Variants in SLC6A18 observed in about 807,000 individuals in gnomAD.
The protein encoded by SLC6A18 is solute carrier family 6 member 18.
In SLC6A18, 58 loss-of-function variants were observed where a neutral mutation model predicts 62.9. The observed-to-expected ratio is 0.92, with a 90% CI of 0.75 to 1.15. The LOEUF (loss-of-function observed/expected upper bound fraction) is 1.15. SLC6A18 is among the 50% of genes most tolerant of loss of function. The pLI is 0.00. For synonymous variants in SLC6A18, 382 were observed against 365.8 expected (o/e 1.04, Z -0.51); for missense variants, 793 against 836.6 (o/e 0.95, Z 0.64).
In SLC6A18 at chr5:1,241,043, G is replaced by A. The variant is rs191708179; in HGVS notation, c.974+384G>A. On this transcript the variant is annotated intron_variant, in intron 7 of 11. Coordinates refer to ENST00000324642, the MANE Select transcript of SLC6A18 (RefSeq NM_182632.3). The surrounding 1 kb of genome is among the most constrained non-coding windows in gnomAD (Gnocchi z 7.8). ...GCAGAAGCTGGAAGAGGCGGGAGGA[G>A]TCTCCCGTGCAGGCTCAGGAGGGGC... Among the ~76,000 whole-genome samples, 109 of 152,312 alleles carry A rather than the reference G, an allele frequency of 7.2e-4. No homozygotes were observed. Among genetic ancestry groups the A allele is most frequent in the African/African-American group, 2.4e-3 (101 of 41,572 alleles).
In SLC6A18 at chr5:1,232,908, C is replaced by T; in HGVS notation, c.439+20C>T. ...GAACAGGTGAGCTGGGCGCCGCCTG[C>T]TGTGTGGGTCCGTGCACGGCCGAGA... On this transcript the variant is annotated intron_variant, in intron 3 of 11. Transcript: ENST00000324642. The T allele has an allele frequency of 1.2e-6, 2 of 1,600,676 alleles. No individual in the cohort carries two copies. Among genetic ancestry groups the T allele is most frequent in the Non-Finnish European group, 1.7e-6 (2 of 1,172,402 alleles).
Position 1,245,943 on chromosome 5 carries a change from G to A in SLC6A18, c.1752G>A (p.Val584=). Residue 584 remains valine (V), a synonymous_variant, in exon 12 of 12, where the codon GTG becomes GTA. Transcript: ENST00000324642. ...LSLLPVLWVP[V]AALAQLLTRR... ...TGCTGCCCGTGCTGTGGGTCCCGGT[G>A]GCCGCGCTTGCTCAGCTGCTCACCC... is the stretch of plus-strand genomic sequence containing the variant. 6.2e-7 allele frequency: 1 copy of A among 1,603,224 alleles called. No homozygotes were observed. Among genetic ancestry groups the A allele is most frequent in the Non-Finnish European group, 8.5e-7 (1 of 1,179,402 alleles).
chr5:1,231,417 T>C (rs984703456), intron 1 of SLC6A18, among the ~76,000 whole-genome samples: 6 of 152,164 alleles, frequency 3.9e-5, no homozygotes, highest in African/African-American at 1.4e-4. Flanking sequence ...CCAGCCCTGA[T>C]GCAGCTCTCA....
intron 1 of SLC6A18, among the ~76,000 whole-genome samples, chr5:1,231,662 C>G (rs1046697805): frequency 6.6e-6 from 1 of 152,228 alleles, no homozygotes; most frequent in Non-Finnish European, 1.5e-5. Context: ...AGCAGCCAGA[C>G]CTCCTCCGGT....
rs2126538945 is a variant in SLC6A18 at position 1,240,543 on chromosome 5, GA to G, written c.860del (p.Lys287ArgfsTer12). ...CGTTTGTGCCCAGGAATGACTGCCA[GA>G]AGGATGCGGTGGTCATCGCCCTGGT... ...SYNSPRNDCQKDAVVIALVNR... is the reference protein window; with the variant it reads ...SYNSPRNDCQXDAVVIALVNR... On this transcript the variant is annotated frameshift_variant, in exon 7 of 12. Transcript: ENST00000324642. LOFTEE classifies it high-confidence loss of function. The G allele has an allele frequency of 6.2e-7, 1 of 1,614,170 alleles. No individual in the cohort carries two copies. Among genetic ancestry groups the G allele is most frequent in the Non-Finnish European group, 8.5e-7 (1 of 1,180,014 alleles).
chr5:1,230,439 C>T (rs968480452), intron 1 of SLC6A18, among the ~76,000 whole-genome samples: 2 of 152,164 alleles, frequency 1.3e-5, no homozygotes, highest in African/African-American at 4.8e-5. Context: ...TGAGGCTGAC[C>T]CCGTAGACCT....
Sources: gnomAD v4.1 joint callset for allele counts (sites outside exome capture counted in the v4.1 genomes callset) on GRCh38, gnomAD v4.1.1 for gene constraint, Gnocchi (gnomAD v3.1) non-coding constraint, MANE v1.5 for transcripts, NCBI Gene and HGNC (gene_info 2026-07-23, HGNC 2026-07-21) for gene names.